NRXN1: variants seen among roughly 807,000 people sequenced by gnomAD.
NRXN1 encodes neurexin 1.
In NRXN1, 39 loss-of-function variants were observed where a neutral mutation model predicts 150.9. That is an observed-to-expected ratio of 0.26 (90% CI 0.20 to 0.34). NRXN1 has a LOEUF of 0.34. Among genes scored for constraint, NRXN1 ranks in the 10% least tolerant of loss-of-function variants. The pLI is 1.00. For missense variants in NRXN1, 1,815 were observed against 1,949.9 expected, an observed-to-expected ratio of 0.93 and a Z score of 1.30; for synonymous variants, 924 against 757.0, an observed-to-expected ratio of 1.22 and a Z score of -3.62.
intron 2 of NRXN1, among the ~76,000 whole-genome samples, chr2:51,000,008 T>C (rs1699832344): frequency 1.3e-5 from 2 of 152,052 alleles, no homozygotes; most frequent in African/African-American, 4.8e-5. Flanking sequence ...AGGAAGTTCA[T>C]GTTGTGGTCT....
chr2:50,992,227 G>A (rs909829273), intron 2 of NRXN1, among the ~76,000 whole-genome samples: 4 of 151,960 alleles, frequency 2.6e-5, no homozygotes, highest in Non-Finnish European at 4.4e-5. Flanking sequence ...TTTTGCATGT[G>A]TTCTCTTTTA....
At chr2:50,498,769 C>T (rs1003209797) in intron 13 of NRXN1, among the ~76,000 whole-genome samples, 2 of 152,294 alleles carry the variant, frequency 1.3e-5, no homozygotes, top group South Asian at 4.1e-4. Flanking sequence ...GTGATTCACA[C>T]CCAACATCTT....
intron 2 of NRXN1, among the ~76,000 whole-genome samples, chr2:50,949,723 TAGG>T (rs780961515): frequency 5.3e-5 from 8 of 152,068 alleles, no homozygotes; most frequent in Non-Finnish European, 1.2e-4. Context: ...TTGGAAAAAC[TAGG>T]AGGTCAAAAT....
intron 8 of NRXN1, among the ~76,000 whole-genome samples, chr2:50,566,187 C>A (rs568058898): frequency 1.1e-4 from 17 of 152,106 alleles, no homozygotes; most frequent in Admixed American, 7.9e-4. Flanking sequence ...TTAGAGTTGG[C>A]CAGCTACATC....
intron 5 of NRXN1, among the ~76,000 whole-genome samples, chr2:50,832,095 G>T (rs67952187): frequency 6.6e-6 from 1 of 152,086 alleles, no homozygotes; most frequent in Non-Finnish European, 1.5e-5. Flanking sequence ...GCATGCATAC[G>T]TACTAGAATC....
intron 5 of NRXN1, among the ~76,000 whole-genome samples, chr2:50,813,208 T>C (rs542897417): frequency 6.6e-6 from 1 of 152,206 alleles, no homozygotes; most frequent in South Asian, 2.1e-4. Context: ...AAAAAAGATA[T>C]TAATGGCTTA....
At chr2:50,695,405 T>C (rs1692681245) in intron 5 of NRXN1, among the ~76,000 whole-genome samples, 1 of 152,184 alleles carries the variant, frequency 6.6e-6, no homozygotes, top group African/African-American at 2.4e-5. Flanking sequence ...CATAAAGTGG[T>C]GTACCTTATG....
chr2:50,664,148 C>A (rs534690044), intron 5 of NRXN1, among the ~76,000 whole-genome samples: 6 of 152,046 alleles, frequency 3.9e-5, no homozygotes, highest in African/African-American at 1.4e-4. Flanking sequence ...TTATTTAAAT[C>A]ATTTATGAAT....
chr2:50,220,424 G>A (rs1324795707), intron 18 of NRXN1, among the ~76,000 whole-genome samples: 1 of 151,898 alleles, frequency 6.6e-6, no homozygotes, highest in Non-Finnish European at 1.5e-5. Context: ...AAAAGATGCA[G>A]AATGCCTTGA....
At chr2:50,651,178 T>A (rs1685560778) in intron 5 of NRXN1, among the ~76,000 whole-genome samples, 1 of 152,092 alleles carries the variant, frequency 6.6e-6, no homozygotes, top group Non-Finnish European at 1.5e-5. Flanking sequence ...TTATTTTTTC[T>A]GTAATTCTTT....
Position 50,408,933 on chromosome 2 carries a change from G to C in NRXN1, c.3364+56509C>G, listed in dbSNP as rs1572863143. ...TTCAGAACATCATGCATAGTATGAG[G>C]GGACTAAATTAAAACATCTGACACA... On this transcript the variant is annotated intron_variant, in intron 17 of 22. Coordinates refer to ENST00000401669, the MANE Select transcript of NRXN1 (RefSeq NM_001330078.2). 2.0e-5 allele frequency among the ~76,000 whole-genome samples: 3 copies of C among 151,056 alleles called. No individual in the cohort carries two copies. The South Asian group carries it at 6.3e-4, about 32-fold the overall frequency.
At chr2:50,577,093 C>T (rs575189803) in intron 8 of NRXN1, among the ~76,000 whole-genome samples, 1 of 151,996 alleles carries the variant, frequency 6.6e-6, no homozygotes, top group African/African-American at 2.4e-5. Flanking sequence ...ACCATTATTA[C>T]GTTTTCAAAT....
chr2:50,891,612 T>C (rs903113367), intron 5 of NRXN1, among the ~76,000 whole-genome samples: 1 of 152,032 alleles, frequency 6.6e-6, no homozygotes, highest in Non-Finnish European at 1.5e-5. Flanking sequence ...TAAAACAGAT[T>C]ACTGCTTTAA....
chr2:50,217,301 T>C (rs1218768866), intron 18 of NRXN1, among the ~76,000 whole-genome samples: 1 of 152,074 alleles, frequency 6.6e-6, no homozygotes, highest in African/African-American at 2.4e-5. Flanking sequence ...CAATCACATC[T>C]TTAAAAATCA....
intron 22 of NRXN1, among the ~76,000 whole-genome samples, chr2:49,931,927 A>C (rs1269921358): frequency 2.6e-5 from 4 of 152,188 alleles, no homozygotes; most frequent in Non-Finnish European, 5.9e-5. Context: ...TAATTGAATA[A>C]TCTATCTTTA....
chr2:50,060,531 T>A lies in NRXN1; in HGVS notation c.3719-5487A>T, dbSNP rs372378480. 1.1e-4 allele frequency among the ~76,000 whole-genome samples: 17 copies of A among 152,214 alleles called. No homozygotes were observed. The East Asian group carries it at 3.1e-3, about 28-fold the overall frequency. ...AACTGCTGGGAAGGCATAATTGATT[T>A]TGAAATGTGAGGGCATGAGATTTGG... On this transcript the variant is annotated intron_variant, in intron 19 of 22. Transcript: ENST00000401669.
chr2:50,187,621 T>A (rs115267333), intron 18 of NRXN1, among the ~76,000 whole-genome samples: 8,774 of 152,192 alleles, frequency 0.058, 303 homozygotes, highest in Middle Eastern at 0.11. Context: ...TTTTTCTAAT[T>A]CTGTGAAGAA....
At chr2:50,142,689 T>G (rs958766618) in intron 18 of NRXN1, among the ~76,000 whole-genome samples, 4 of 151,952 alleles carry the variant, frequency 2.6e-5, no homozygotes, top group African/African-American at 9.7e-5. Flanking sequence ...AATTCCTTAA[T>G]GCTAAAAAAT....
intron 17 of NRXN1, among the ~76,000 whole-genome samples, chr2:50,292,063 T>C (rs1232959480): frequency 2.0e-5 from 3 of 152,184 alleles, no homozygotes; most frequent in African/African-American, 7.2e-5. Flanking sequence ...AATTCCTAGA[T>C]ACTGGTTTCT....
Sources: allele counts gnomAD v4.1 joint callset (sites outside exome capture counted in the v4.1 genomes callset), GRCh38; gene constraint gnomAD v4.1.1; transcripts MANE v1.5; gene names NCBI Gene and HGNC (gene_info 2026-07-23, HGNC 2026-07-21).